Variants in CAMTA1 observed in about 807,000 individuals in gnomAD.
CAMTA1 encodes the protein calmodulin binding transcription activator 1.
In CAMTA1, 27 loss-of-function variants were observed where a neutral mutation model predicts 170.9. That is an observed-to-expected ratio of 0.16 (90% confidence interval 0.12 to 0.22). CAMTA1 has a LOEUF of 0.22. Among genes scored for constraint, CAMTA1 ranks in the 10% least tolerant of loss-of-function variants. The pLI, the probability that CAMTA1 is intolerant of heterozygous loss-of-function variation, is 1.00. For missense variants in CAMTA1, 1,619 were observed against 2,217.2 expected, an observed-to-expected ratio of 0.73 and a Z score of 5.42; for synonymous variants, 833 against 891.5, an observed-to-expected ratio of 0.93 and a Z score of 1.17.
chr1:7,492,624 C>T (rs1557804348), intron 6 of CAMTA1, among the ~76,000 whole-genome samples: 1 of 150,142 alleles, frequency 6.7e-6, no homozygotes, highest in Non-Finnish European at 1.5e-5. Flanking sequence ...AATGTACATA[C>T]ACGCGCACAC....
chr1:7,639,313 T>C (rs1344083395), intron 6 of CAMTA1, among the ~76,000 whole-genome samples: 1 of 152,144 alleles, frequency 6.6e-6, no homozygotes, highest in Non-Finnish European at 1.5e-5. Flanking sequence ...GACTGAGAGA[T>C]CTTTCCCAGA....
At position 7,475,004 on chromosome 1, in the gene CAMTA1, G is replaced by A. The variant is rs1344933803; in HGVS notation, c.510+7103G>A. Among the ~76,000 whole-genome samples the A allele has an allele frequency of 5.9e-5, 9 of 152,212 alleles. No individual in the cohort carries two copies. In the South Asian group the frequency reaches 8.3e-4, roughly 14 times the overall value. On this transcript the variant is annotated intron_variant, in intron 6 of 22. Transcript: ENST00000303635. ...TATGGCCGCGCTCGCCCCTCAGCCC[G>A]TGGCCTCCTCCTGGTGGTGGGGACC...
intron 3 of CAMTA1, among the ~76,000 whole-genome samples, chr1:6,973,032 A>G (rs908816343): frequency 2.6e-5 from 4 of 151,966 alleles, no homozygotes; most frequent in African/African-American, 9.7e-5. Context: ...TTGTATTTTT[A>G]GTAGAGATGG....
intron 7 of CAMTA1, among the ~76,000 whole-genome samples, chr1:7,653,496 C>G (rs1050682610): frequency 6.6e-6 from 1 of 152,194 alleles, no homozygotes; most frequent in Admixed American, 6.5e-5. Context: ...CTCCTGGGCT[C>G]AAGTGATCCA....
intron 5 of CAMTA1, among the ~76,000 whole-genome samples, chr1:7,252,675 A>G (rs973789003): frequency 2.0e-5 from 3 of 152,240 alleles, no homozygotes; most frequent in African/African-American, 7.2e-5. Flanking sequence ...TCATCACGTC[A>G]GGCACGGCGC....
chr1:6,996,037 A>C (rs1329297039), intron 3 of CAMTA1, among the ~76,000 whole-genome samples: 1 of 152,250 alleles, frequency 6.6e-6, no homozygotes, highest in East Asian at 1.9e-4. Flanking sequence ...TGGTTTGCAC[A>C]TGAAAGGGGC....
chr1:7,118,775 G>T (rs1030098806), intron 4 of CAMTA1, among the ~76,000 whole-genome samples: 8 of 152,162 alleles, frequency 5.3e-5, no homozygotes, highest in African/African-American at 1.9e-4. Flanking sequence ...TGGTTTGGTG[G>T]CACCAGAACC....
In CAMTA1 at chr1:7,093,191, T is replaced by A. The variant is rs563685695; in HGVS notation, c.302+1820T>A. 1.3e-5 allele frequency among the ~76,000 whole-genome samples: 2 copies of A among 152,292 alleles called. No individual in the cohort carries two copies. The highest frequency in any genetic ancestry group is 2.1e-4 in the South Asian group (1 of 4,820). ...GGCATCAGAATCAGCTGAGGGCTCA[T>A]TAAAATGCGGGCCCCACCCTAGGGT... On this transcript the variant is annotated intron_variant, in intron 4 of 22. Transcript: ENST00000303635. The surrounding 1 kb of genome is among the most constrained non-coding windows in gnomAD (Gnocchi z 4.6).
intron 5 of CAMTA1, among the ~76,000 whole-genome samples, chr1:7,460,600 C>T (rs556346125): frequency 0.01 from 1,561 of 151,906 alleles, 21 homozygotes; most frequent in South Asian, 0.025. Context: ...ACTGCCCCCC[C>T]CAACCCCAGC....
intron 4 of CAMTA1, among the ~76,000 whole-genome samples, chr1:7,159,599 A>C (rs1647084055): frequency 6.6e-6 from 1 of 152,148 alleles, no homozygotes; most frequent in Admixed American, 6.5e-5. Flanking sequence ...GCTGAAGTGC[A>C]ATGACACAAT....
chr1:7,330,363 C>T (rs561247536), intron 5 of CAMTA1, among the ~76,000 whole-genome samples: 10 of 152,310 alleles, frequency 6.6e-5, no homozygotes, highest in Admixed American at 2.6e-4. Context: ...AGAGGCCTGA[C>T]GGTGCAGCTG....
At chr1:6,905,127 A>G (rs1571572836) in intron 3 of CAMTA1, among the ~76,000 whole-genome samples, 2 of 144,910 alleles carry the variant, frequency 1.4e-5, no homozygotes, top group Non-Finnish European at 3.0e-5. Context: ...CTCCATCTCC[A>G]CTGCCCCAGC....
At chr1:7,693,710 C>T (rs1336989718) in intron 11 of CAMTA1, 2 of 152,256 alleles carry the variant, frequency 1.3e-5, no homozygotes, top group African/African-American at 2.4e-5. Context: ...AAAAGCATGA[C>T]TTTCCTGGCA....
At chr1:7,575,158 T>G (rs1339533126) in intron 6 of CAMTA1, among the ~76,000 whole-genome samples, 1 of 152,220 alleles carries the variant, frequency 6.6e-6, no homozygotes, top group South Asian at 2.1e-4. Flanking sequence ...TGGCCAATGA[T>G]AAGTACTCAA....
intron 3 of CAMTA1, among the ~76,000 whole-genome samples, chr1:6,983,399 C>G (rs1002013004): frequency 1.3e-5 from 2 of 152,176 alleles, no homozygotes; most frequent in African/African-American, 4.8e-5. Flanking sequence ...CCTACTCTCC[C>G]TCTTCTTCCC....
chr1:7,075,114 T>C (rs962393720), intron 3 of CAMTA1, among the ~76,000 whole-genome samples: 2 of 152,252 alleles, frequency 1.3e-5, no homozygotes, highest in African/African-American at 4.8e-5. Context: ...GTATTTCTCT[T>C]GATTTACATC....
chr1:7,007,015 A>C lies in CAMTA1; in HGVS notation c.235-84289A>C, dbSNP rs1699097553. ...ATGTCAGATGGTAGTAAAAAAAAAA[A>C]AAAAAAATAAGAATTTTTGGATACG... On this transcript the variant is annotated intron_variant, in intron 3 of 22. Coordinates refer to ENST00000303635, the MANE Select transcript of CAMTA1 (RefSeq NM_015215.4). The surrounding 1 kb of genome is among the most constrained non-coding windows in gnomAD (Gnocchi z 4.5). 6.6e-6 allele frequency among the ~76,000 whole-genome samples: 1 copy of C among 152,034 alleles called. No homozygotes were observed.
chr1:7,411,879 G>GGTAT (rs2149263878), intron 5 of CAMTA1, among the ~76,000 whole-genome samples: 1 of 151,470 alleles, frequency 6.6e-6, no homozygotes, highest in African/African-American at 2.4e-5. Flanking sequence ...TTTAGCATTA[G>GGTAT]GTATATCTCC....
chr1:7,170,643 C>A (rs998102638), intron 4 of CAMTA1, among the ~76,000 whole-genome samples: 1 of 152,146 alleles, frequency 6.6e-6, no homozygotes, highest in African/African-American at 2.4e-5. Flanking sequence ...AGGACATGAA[C>A]TCATTGTTTT....
Sources: gnomAD v4.1 joint callset for allele counts (sites outside exome capture counted in the v4.1 genomes callset) on GRCh38, gnomAD v4.1.1 for gene constraint, Gnocchi (gnomAD v3.1) non-coding constraint, MANE v1.5 for transcripts, NCBI Gene and HGNC (gene_info 2026-07-23, HGNC 2026-07-21) for gene names.